Variants in ROBO2 observed in about 807,000 individuals in gnomAD.
ROBO2 encodes the protein roundabout guidance receptor 2.
Under a neutral mutation model 160.8 loss-of-function variants are expected in ROBO2, and 53 were observed. The observed-to-expected ratio is 0.33, with a 90% CI of 0.26 to 0.41. The LOEUF is 0.41. Among genes scored for constraint, ROBO2 ranks in the 10% least tolerant of loss-of-function variants. The pLI is 1.00. For missense variants in ROBO2, 1,577 were observed against 1,722.4 expected, an observed-to-expected ratio of 0.92 and a Z score of 1.49; for synonymous variants, 664 against 611.7, an observed-to-expected ratio of 1.09 and a Z score of -1.26.
At chr3:76,190,505 T>C (rs1467605220) in intron 2 of ROBO2, among the ~76,000 whole-genome samples, 3 of 152,262 alleles carry the variant, frequency 2.0e-5, no homozygotes, top group Non-Finnish European at 4.4e-5. Flanking sequence ...GCATGGACAT[T>C]GTTATATGTG....
chr3:76,973,382 A>ATAAG (rs1314956158), intron 2 of ROBO2, among the ~76,000 whole-genome samples: 1 of 152,166 alleles, frequency 6.6e-6, no homozygotes, highest in Non-Finnish European at 1.5e-5. Flanking sequence ...CTGAGAGAGT[A>ATAAG]TAAGAAGTAT....
intron 2 of ROBO2, among the ~76,000 whole-genome samples, chr3:76,749,000 A>G (rs970553510): frequency 2.6e-5 from 4 of 151,864 alleles, no homozygotes; most frequent in African/African-American, 9.7e-5. Flanking sequence ...AATATTTATG[A>G]TACACTAAAA....
intron 20 of ROBO2, among the ~76,000 whole-genome samples, chr3:77,606,156 G>T (rs775711): frequency 5.4e-4 from 82 of 152,220 alleles, no homozygotes; most frequent in African/African-American, 2.0e-3. Flanking sequence ...GGAGAAGTTG[G>T]GAGTAAAGAA....
chr3:76,881,125 A>G (rs990639323), intron 2 of ROBO2, among the ~76,000 whole-genome samples: 2 of 152,204 alleles, frequency 1.3e-5, no homozygotes, highest in Non-Finnish European at 2.9e-5. Context: ...CCAGACCCAG[A>G]AAATAGTCAC....
intron 2 of ROBO2, among the ~76,000 whole-genome samples, chr3:77,011,201 T>G (rs2061900569): frequency 6.7e-6 from 1 of 150,118 alleles, no homozygotes; most frequent in African/African-American, 2.5e-5. Flanking sequence ...CTTCCTTCCT[T>G]TCCCTGTTTA....
intron 2 of ROBO2, among the ~76,000 whole-genome samples, chr3:76,613,103 T>A (rs1424431161): frequency 6.6e-6 from 1 of 152,184 alleles, no homozygotes; most frequent in Non-Finnish European, 1.5e-5. Flanking sequence ...CCATAGATAT[T>A]CAATGTCATT....
chr3:77,147,787 C>G (rs777160459), intron 2 of ROBO2, among the ~76,000 whole-genome samples: 15 of 151,780 alleles, frequency 9.9e-5, no homozygotes, highest in Non-Finnish European at 2.2e-4. Flanking sequence ...TTCTTTTTTC[C>G]TTTGGGTTTT....
chr3:76,102,885 T>C (rs1208419784), intron 2 of ROBO2, among the ~76,000 whole-genome samples: 4 of 151,478 alleles, frequency 2.6e-5, no homozygotes, highest in Non-Finnish European at 2.9e-5. Flanking sequence ...TGTGCAGTGG[T>C]GCGATCTCGG....
chr3:76,129,417 C>T (rs2071135219), intron 2 of ROBO2, among the ~76,000 whole-genome samples: 1 of 152,020 alleles, frequency 6.6e-6, no homozygotes, highest in African/African-American at 2.4e-5. Flanking sequence ...AAGTTGGAGG[C>T]CAATTGAAAT....
chr3:77,445,006 G>C (rs766261569), intron 2 of ROBO2, among the ~76,000 whole-genome samples: 1 of 152,122 alleles, frequency 6.6e-6, no homozygotes, highest in East Asian at 1.9e-4. Context: ...TTGAAATGGC[G>C]TATGGCTCTT....
At chr3:77,441,709 GT>G (rs1190392921) in intron 2 of ROBO2, among the ~76,000 whole-genome samples, 5 of 152,010 alleles carry the variant, frequency 3.3e-5, no homozygotes, top group Non-Finnish European at 7.4e-5. Context: ...TTTAGTCAAG[GT>G]TTTCAAAGTG....
At chr3:76,114,152 AC>A (rs1402015106) in intron 2 of ROBO2, among the ~76,000 whole-genome samples, 1 of 152,106 alleles carries the variant, frequency 6.6e-6, no homozygotes, top group Non-Finnish European at 1.5e-5. Flanking sequence ...TGACCTAATC[AC>A]CTCTTAAAGT....
intron 2 of ROBO2, among the ~76,000 whole-genome samples, chr3:77,293,209 G>C (rs576985359): frequency 1.3e-5 from 2 of 148,542 alleles, no homozygotes; most frequent in South Asian, 4.4e-4. Flanking sequence ...ACGGTTAAAC[G>C]GGTAAGCTGA....
At chr3:77,458,787 T>A (rs2081954428) in intron 2 of ROBO2, among the ~76,000 whole-genome samples, 1 of 152,190 alleles carries the variant, frequency 6.6e-6, no homozygotes, top group Non-Finnish European at 1.5e-5. Flanking sequence ...TTATTTTTAG[T>A]ATACTTTGAT....
chr3:77,294,763 A>C (rs1043251982), intron 2 of ROBO2, among the ~76,000 whole-genome samples: 1 of 149,766 alleles, frequency 6.7e-6, no homozygotes, highest in East Asian at 2.0e-4. Context: ...AGATCACCCC[A>C]GACACAAAGT....
intron 21 of ROBO2, among the ~76,000 whole-genome samples, chr3:77,612,123 C>T (rs1199654673): frequency 5.3e-5 from 8 of 152,166 alleles, no homozygotes; most frequent in Non-Finnish European, 1.0e-4. Context: ...TCATAGTTCA[C>T]TGACAATAAG....
At chr3:77,432,458 T>C (rs920140068) in intron 2 of ROBO2, among the ~76,000 whole-genome samples, 3 of 152,192 alleles carry the variant, frequency 2.0e-5, no homozygotes, top group Admixed American at 1.3e-4. Context: ...AAAATCTGAT[T>C]TAGCAAAGCA....
chr3:77,503,931 T>C (rs974254781), intron 5 of ROBO2, among the ~76,000 whole-genome samples: 1 of 152,196 alleles, frequency 6.6e-6, no homozygotes, highest in Non-Finnish European at 1.5e-5. Flanking sequence ...TTGCCAAATA[T>C]AAGGAATGGG....
intron 2 of ROBO2, among the ~76,000 whole-genome samples, chr3:76,931,133 A>G (rs903965540): frequency 1.3e-5 from 2 of 152,172 alleles, no homozygotes; most frequent in Non-Finnish European, 2.9e-5. Flanking sequence ...TTCTGTTACT[A>G]TGTTAAAGTA....
Sources: gnomAD v4.1 joint callset for allele counts (sites outside exome capture counted in the v4.1 genomes callset) on GRCh38, gnomAD v4.1.1 for gene constraint, MANE v1.5 for transcripts, NCBI Gene and HGNC (gene_info 2026-07-23, HGNC 2026-07-21) for gene names.